MTA3: variants seen among roughly 807,000 people sequenced by gnomAD.
MTA3 encodes the protein metastasis associated 1 family member 3.
A neutral mutation model predicts 83.5 loss-of-function variants in MTA3; 34 were observed. That is an observed-to-expected ratio of 0.41 (90% CI 0.31 to 0.54). The LOEUF (loss-of-function observed/expected upper bound fraction) is 0.54, where lower values mean the gene tolerates loss of function less well. Among genes scored for constraint, MTA3 ranks in the 20% least tolerant of loss-of-function variants. The pLI is 0.33. For synonymous variants in MTA3, 303 were observed against 252.7 expected (o/e 1.20, Z -1.89); for missense variants, 761 against 726.4 (o/e 1.05, Z -0.55).
At chr2:42,630,731 G>T (rs1686593015) in intron 4 of MTA3, among the ~76,000 whole-genome samples, 1 of 152,120 alleles carries the variant, frequency 6.6e-6, no homozygotes, top group Non-Finnish European at 1.5e-5. Flanking sequence ...CATTTTAGTT[G>T]TGTGATTGTG....
intron 4 of MTA3, chr2:42,614,002 C>T (rs868482420): frequency 6.6e-6 from 1 of 152,174 alleles, no homozygotes. Flanking sequence ...TTATTAAGCA[C>T]TATAAGCCTT....
At chr2:42,672,468 C>A (rs1403190541) in intron 8 of MTA3, among the ~76,000 whole-genome samples, 4 of 151,264 alleles carry the variant, frequency 2.6e-5, no homozygotes, top group African/African-American at 9.7e-5. Context: ...CATGGTGAAA[C>A]CCTATCTCTA....
chr2:42,620,460 A>G (rs560096750), intron 4 of MTA3, among the ~76,000 whole-genome samples: 1 of 152,142 alleles, frequency 6.6e-6, no homozygotes, highest in Admixed American at 6.6e-5. Flanking sequence ...AAGTACACCT[A>G]AACCCACTTC....
chr2:42,699,669 C>T (rs1030392768), intron 11 of MTA3, among the ~76,000 whole-genome samples: 12 of 152,042 alleles, frequency 7.9e-5, no homozygotes, highest in Non-Finnish European at 1.5e-4. Context: ...TCCTAGGTTT[C>T]TGGCACAGTG....
At chr2:42,556,570 C>T (rs1036375016) in intron 2 of MTA3, among the ~76,000 whole-genome samples, 2 of 152,196 alleles carry the variant, frequency 1.3e-5, no homozygotes, top group African/African-American at 4.8e-5. Flanking sequence ...GGCCGGGAGT[C>T]ACTCCCTCCC....
intron 8 of MTA3, among the ~76,000 whole-genome samples, chr2:42,662,400 C>G (rs1179330635): frequency 6.6e-6 from 1 of 151,448 alleles, no homozygotes; most frequent in Non-Finnish European, 1.5e-5. Context: ...ATATTTAGGA[C>G]TGTAAATCTA....
chr2:42,662,348 T>A (rs1558556467), intron 8 of MTA3, among the ~76,000 whole-genome samples: 1 of 151,652 alleles, frequency 6.6e-6, no homozygotes, highest in African/African-American at 2.4e-5. Context: ...ATTTATATAT[T>A]TCTTGTGTCT....
At chr2:42,552,092 A>C (rs1677136973) in intron 2 of MTA3, among the ~76,000 whole-genome samples, 1 of 152,032 alleles carries the variant, frequency 6.6e-6, no homozygotes, top group Non-Finnish European at 1.5e-5. Context: ...TCCTGGGCTC[A>C]AGCAGTCCTC....
intron 10 of MTA3, 65 bp downstream of exon 10, chr2:42,695,904 TA>T: frequency 8.7e-7 from 1 of 1,151,634 alleles, no homozygotes; most frequent in Non-Finnish European, 1.2e-6. Flanking sequence ...TATATTTTAA[TA>T]TTTTTTGGCG....
chr2:42,719,036 G>T lies in MTA3; in HGVS notation c.1574G>T (p.Ser525Ile). The T allele has an allele frequency of 6.4e-7, 1 of 1,550,448 alleles. No individual in the cohort carries two copies. Among genetic ancestry groups the T allele is most frequent in the Non-Finnish European group, 8.7e-7 (1 of 1,146,896 alleles). ...TCTGGAAGTCCACTGAAAAGCAAAAGCACTAGGAAGCCTTTGGCATGTATC... is the reference window on the plus strand; with the variant it reads ...TCTGGAAGTCCACTGAAAAGCAAAATCACTAGGAAGCCTTTGGCATGTATC... ...ELSGSPLKSK[S>I]TRKPLACIIG... The change falls in exon 15 of 17, where the codon AGC (serine) becomes ATC (isoleucine). Residue 525 changes from serine (S) to isoleucine (I), a missense_variant. By Grantham distance (142) the Ser-to-Ile change is moderately radical. Coordinates refer to ENST00000405094, the MANE Select transcript of MTA3 (RefSeq NM_001330442.2).
intron 2 of MTA3, among the ~76,000 whole-genome samples, chr2:42,498,041 C>A (rs1381377084): frequency 6.6e-6 from 1 of 152,142 alleles, no homozygotes; most frequent in Non-Finnish European, 1.5e-5. Context: ...TGGATGTGTT[C>A]GAGGACTCCA....
intron 16 of MTA3, among the ~76,000 whole-genome samples, chr2:42,737,451 C>A (rs1448213996): frequency 6.6e-6 from 1 of 152,002 alleles, no homozygotes; most frequent in African/African-American, 2.4e-5. Context: ...CTGTGTTCTC[C>A]CTCCCTCTTC....
At chr2:42,601,289 A>G (rs1172308617) in intron 3 of MTA3, among the ~76,000 whole-genome samples, 1 of 152,196 alleles carries the variant, frequency 6.6e-6, no homozygotes, top group Non-Finnish European at 1.5e-5. Flanking sequence ...TGGTTGTTGC[A>G]TCTGTGATTT....
At chr2:42,747,299 C>A (rs971349374) in intron 16 of MTA3, among the ~76,000 whole-genome samples, 1 of 152,046 alleles carries the variant, frequency 6.6e-6, no homozygotes, top group African/African-American at 2.4e-5. Context: ...TGCGCCTGGC[C>A]CCCTGTTCAG....
chr2:42,711,510 A>G (rs1416850910), intron 14 of MTA3, among the ~76,000 whole-genome samples: 2 of 152,202 alleles, frequency 1.3e-5, no homozygotes, highest in Non-Finnish European at 2.9e-5. Context: ...ATTGAGTTGT[A>G]CATAATCAGA....
At chr2:42,633,514 G>A (rs1686882482) in intron 4 of MTA3, among the ~76,000 whole-genome samples, 1 of 152,154 alleles carries the variant, frequency 6.6e-6, no homozygotes, top group Non-Finnish European at 1.5e-5. Context: ...AGGAGGTGGA[G>A]GCTGCAGTGA....
At chr2:42,671,251 T>TC (rs1417394821) in intron 8 of MTA3, among the ~76,000 whole-genome samples, 2 of 152,150 alleles carry the variant, frequency 1.3e-5, no homozygotes, top group Non-Finnish European at 2.9e-5. Flanking sequence ...ATTATATATT[T>TC]CCCCCTAAAA....
At chr2:42,591,171 C>T (rs910621604) in intron 3 of MTA3, among the ~76,000 whole-genome samples, 14 of 152,276 alleles carry the variant, frequency 9.2e-5, no homozygotes, top group African/African-American at 3.4e-4. Context: ...ACTTAGGGTA[C>T]AAATCTGTAC....
At chr2:42,672,645 C>CAAA (rs5830734) in intron 8 of MTA3, among the ~76,000 whole-genome samples, 3 of 51,544 alleles carry the variant, frequency 5.8e-5, no homozygotes, top group African/African-American at 8.9e-5. Context: ...ATTCCATCTC[C>CAAA]AAAAAAAAAA....
Sources: gnomAD v4.1 joint callset for allele counts (sites outside exome capture counted in the v4.1 genomes callset) on GRCh38, gnomAD v4.1.1 for gene constraint, MANE v1.5 for transcripts, NCBI Gene and HGNC (gene_info 2026-07-23, HGNC 2026-07-21) for gene names.